The following ANKRA2 variants were observed in gnomAD, a reference collection of about 807,000 sequenced individuals.
The protein encoded by ANKRA2 is ankyrin repeat family A member 2.
A neutral mutation model predicts 37.8 loss-of-function variants in ANKRA2; 33 were observed. The ratio of observed to expected loss-of-function variants is 0.87; its 90% CI spans 0.66 to 1.17. The LOEUF (loss-of-function observed/expected upper bound fraction) is 1.17, where lower values mean the gene tolerates loss of function less well. Ranked by LOEUF, ANKRA2 falls within the 50% of genes most tolerant of loss-of-function variation. ANKRA2 has a pLI of 0.00. For missense variants in ANKRA2, 326 were observed against 373.7 expected (o/e 0.87, Z 1.05); for synonymous variants, 126 against 132.3 (o/e 0.95, Z 0.33).
intron 3 of ANKRA2, among the ~76,000 whole-genome samples, chr5:73,560,086 C>T (rs1246064536): frequency 6.6e-6 from 1 of 152,026 alleles, no homozygotes; most frequent in Non-Finnish European, 1.5e-5. Context: ...TTTAAAAATG[C>T]AAGAATATAT....
At chr5:73,564,833 G>A (rs1747674553) in intron 1 of ANKRA2, among the ~76,000 whole-genome samples, 1 of 152,244 alleles carries the variant, frequency 6.6e-6, no homozygotes, top group East Asian at 1.9e-4. Flanking sequence ...GAGAGGAGAA[G>A]CAAAGTTGAT....
chr5:73,554,972 T>C lies in ANKRA2; in HGVS notation c.627A>G (p.Gln209=), dbSNP rs1361782522. 1.9e-6 allele frequency: 3 copies of C among 1,613,364 alleles called. No homozygotes were observed. The highest frequency in any genetic ancestry group is 2.2e-5 in the East Asian group (1 of 44,864). Residue 209 remains glutamine, a synonymous_variant, in exon 6 of 9, where the codon CAA becomes CAG. Coordinates refer to ENST00000296785, the MANE Select transcript of ANKRA2 (RefSeq NM_023039.5). Reference sequence around the variant, plus strand: ...CACTTTCTCGACCTTTTCCTAAAAGTTGGGGATCAGCACCCTGGTATGGGA... The same window carrying C: ...CACTTTCTCGACCTTTTCCTAAAAGCTGGGGATCAGCACCCTGGTATGGGA... ...EFLLQNGADP[Q]LLGKGRESAL...
At chr5:73,561,659 C>T (rs554411472) in intron 2 of ANKRA2, among the ~76,000 whole-genome samples, 3 of 151,760 alleles carry the variant, frequency 2.0e-5, no homozygotes, top group Non-Finnish European at 2.9e-5. Flanking sequence ...CCCAGCTACT[C>T]GGGAGGCTGA....
chr5:73,559,827 C>T (rs553801309), intron 3 of ANKRA2, among the ~76,000 whole-genome samples: 1 of 152,212 alleles, frequency 6.6e-6, no homozygotes, highest in South Asian at 2.1e-4. Context: ...GGCATGATCA[C>T]AGCTCACTGC....
Position 73,562,748 on chromosome 5 carries a change from G to A in ANKRA2, c.134C>T (p.Ala45Val), listed in dbSNP as rs752839930. 2 of 1,614,168 alleles carry A rather than the reference G, an allele frequency of 1.2e-6. No individual in the cohort carries two copies. The highest frequency in any genetic ancestry group is 1.7e-6 in the Non-Finnish European group (2 of 1,180,034). Residue 45 changes from alanine to valine, a missense_variant, in exon 2 of 9, where the codon GCT (alanine) becomes GTT (valine). Physicochemically the swap from Ala to Val is moderately conservative, Grantham distance 64 (BLOSUM62 0). This residue lies in a region of ANKRA2 where 93 missense variants were observed against 91.1 expected (regional missense o/e 1.02). Transcript: ENST00000296785. ...PLDPNSEEGS[A>V]QGVAMGMKFI... ...TTTCATTCCCATGGCAACACCCTGA[G>A]CTGACCCTTCTTCTGAATTTGGGTC...
intron 1 of ANKRA2, among the ~76,000 whole-genome samples, chr5:73,564,847 T>G (rs1166312697): frequency 5.3e-5 from 8 of 151,702 alleles, no homozygotes; most frequent in Non-Finnish European, 1.5e-5. Flanking sequence ...AGTTGATTGG[T>G]AGGCCAAAAT....
rs1472714510 is a variant in ANKRA2, at chr5:73,565,322, T to C, written c.-295A>G. 2.0e-5 allele frequency: 3 copies of C among 153,340 alleles called. No individual in the cohort carries two copies. The highest frequency in any genetic ancestry group is 2.0e-4 in the East Asian group (1 of 5,126). 9.5% of individuals were successfully genotyped at this position (153,340 alleles called of 1,614,324 possible). ...GGGCTGGAGGCCGACCCGGTGAGAG[T>C]GCAAGGTCTCGCGACCACCGACGAC... On this transcript the variant is annotated 5_prime_UTR_variant, in exon 1 of 9. Transcript: ENST00000296785.
rs1747597027 is a variant in ANKRA2 at position 73,562,986 on chromosome 5, C to A, written c.-104-1G>T. 26 of 1,095,792 alleles carry A rather than the reference C, an allele frequency of 2.4e-5. No individual in the cohort carries two copies. Among genetic ancestry groups the A allele is most frequent in the Non-Finnish European group, 3.3e-5 (26 of 792,942 alleles). The allele number at this position is 1,095,792 out of a possible 1,614,324, so 67.9% of individuals were successfully genotyped here. On this transcript the variant is annotated splice_acceptor_variant, in intron 1 of 8. Coordinates refer to ENST00000296785, the MANE Select transcript of ANKRA2 (RefSeq NM_023039.5). LOFTEE classifies it low-confidence loss of function (5UTR_SPLICE). ...TCTTGGAATCTGGATATTTAAAAAT[C>A]TGAAAGAAAAAATTAGAAAATTAAA...
chr5:73,552,453 A>G lies in ANKRA2; in HGVS notation c.*344T>C, dbSNP rs115450002. The G allele has an allele frequency of 4.2e-3, 738 of 174,978 alleles. 6 individuals are homozygous for G. The highest frequency in any genetic ancestry group is 0.017 in the African/African-American group (719 of 42,028). The allele number at this position is 174,978 out of a possible 1,614,324, so 10.8% of individuals were successfully genotyped here. A position where few individuals can be genotyped will look rare whatever the true frequency, so the allele number is the denominator to read the frequency against. On this transcript the variant is annotated 3_prime_UTR_variant, in exon 9 of 9. Coordinates refer to ENST00000296785, the MANE Select transcript of ANKRA2 (RefSeq NM_023039.5). ...AGGGATTTATAGCAAACCCTATATA[A>G]AGTGAATGACTTAATACACGAGTGA...
intron 8 of ANKRA2, among the ~76,000 whole-genome samples, 181 bp from the exon 9 acceptor site, chr5:73,553,033 A>G (rs1479326283): frequency 5.3e-5 from 8 of 152,232 alleles, no homozygotes; most frequent in Admixed American, 5.2e-4. Context: ...TTAGTCTGTC[A>G]CTGAGTAACT....
At chr5:73,560,380 A>G (rs1018577647) in intron 3 of ANKRA2, among the ~76,000 whole-genome samples, 1 of 151,884 alleles carries the variant, frequency 6.6e-6, no homozygotes, top group African/African-American at 2.4e-5. Context: ...TATTTTTTTG[A>G]GACAGGGTCT....
chr5:73,560,999 G>C, intron 3 of ANKRA2, 131 bp downstream of exon 3: 1 of 931,114 alleles, frequency 1.1e-6, no homozygotes, highest in East Asian at 2.7e-5. Flanking sequence ...AGGTTGAATA[G>C]TATTCCATTG....
intron 5 of ANKRA2, 74 bp downstream of exon 5, chr5:73,555,414 G>A: frequency 1.3e-6 from 2 of 1,576,364 alleles, no homozygotes; most frequent in Non-Finnish European, 1.7e-6. Flanking sequence ...CTAGCTGGCT[G>A]GATATATAAA....
chr5:73,553,313 T>C, intron 8 of ANKRA2, 93 bp downstream of exon 8: 1 of 916,616 alleles, frequency 1.1e-6, no homozygotes, highest in Non-Finnish European at 1.6e-6. Flanking sequence ...TAACATGTTT[T>C]AGGATTACAG....
intron 3 of ANKRA2, among the ~76,000 whole-genome samples, chr5:73,557,984 G>C (rs1747448011): frequency 6.6e-6 from 1 of 152,082 alleles, no homozygotes. Context: ...GGCTGAGGCT[G>C]GGGAATCACT....
intron 2 of ANKRA2, among the ~76,000 whole-genome samples, chr5:73,561,670 G>C (rs1158033036): frequency 6.6e-6 from 1 of 152,058 alleles, no homozygotes; most frequent in African/African-American, 2.4e-5. Context: ...GGGAGGCTGA[G>C]GCAGGAGAAT....
intron 3 of ANKRA2, among the ~76,000 whole-genome samples, chr5:73,558,964 A>G (rs971722190): frequency 6.6e-6 from 1 of 152,242 alleles, no homozygotes; most frequent in South Asian, 2.1e-4. Flanking sequence ...TAGCTCAAAA[A>G]TTCTATGGTG....
rs1177106953 is a variant in ANKRA2, at chr5:73,555,575, G to T, written c.525C>A (p.Ile175=). The change falls in exon 5 of 9, where the codon ATC becomes ATA. Residue 175 remains isoleucine (I), a synonymous_variant. Coordinates refer to ENST00000296785, the MANE Select transcript of ANKRA2 (RefSeq NM_023039.5). ...LATRIEQENV[I]NHTDEEGFTP... Reference sequence around the variant, plus strand: ...TAAATCCTTCTTCATCCGTGTGATTGATAACATTTTCTATTTAAAAGAAAA... The same window carrying T: ...TAAATCCTTCTTCATCCGTGTGATTTATAACATTTTCTATTTAAAAGAAAA... 1.4e-5 allele frequency: 23 copies of T among 1,613,504 alleles called. No homozygotes were observed. Among genetic ancestry groups the T allele is most frequent in the Non-Finnish European group, 1.9e-5 (22 of 1,179,808 alleles).
Position 73,552,669 on chromosome 5 carries a change from A to T in ANKRA2, c.*128T>A, listed in dbSNP as rs1158978255. On this transcript the variant is annotated 3_prime_UTR_variant, in exon 9 of 9. Coordinates refer to ENST00000296785, the MANE Select transcript of ANKRA2 (RefSeq NM_023039.5). ...ATAAACCAGTGAATTACTCAGAGAA[A>T]TATTTATTAAAACCTACTAAAAACC... 1.8e-5 allele frequency: 14 copies of T among 757,398 alleles called. No homozygotes were observed. In the East Asian group the frequency reaches 3.5e-4, roughly 19 times the overall value. 46.9% of individuals were successfully genotyped at this position (757,398 alleles called of 1,614,324 possible). A position where few individuals can be genotyped will look rare whatever the true frequency, so the allele number is the denominator to read the frequency against.
Sources: gnomAD v4.1 joint callset for allele counts (sites outside exome capture counted in the v4.1 genomes callset) on GRCh38, gnomAD v4.1.1 for gene constraint, gnomAD v4.1.1 regional missense constraint, MANE v1.5 for transcripts, NCBI Gene and HGNC (gene_info 2026-07-23, HGNC 2026-07-21) for gene names.